ADAMTS6: variants seen among roughly 807,000 people sequenced by gnomAD.
ADAMTS6 encodes A disintegrin and metalloproteinase with thrombospondin motifs 6.
Under a neutral mutation model 144.3 loss-of-function variants are expected in ADAMTS6, and 23 were observed. The ratio of observed to expected loss-of-function variants is 0.16; its 90% CI spans 0.11 to 0.23. ADAMTS6 has a LOEUF of 0.23. ADAMTS6 is among the 10% of genes least tolerant of loss of function. ADAMTS6 has a pLI of 1.00. For synonymous variants in ADAMTS6, 444 were observed against 457.5 expected, an observed-to-expected ratio of 0.97 and a Z score of 0.38; for missense variants, 999 against 1,379.6, an observed-to-expected ratio of 0.72 and a Z score of 4.37.
At chr5:65,204,594 T>C (rs1400633606) in intron 20 of ADAMTS6, among the ~76,000 whole-genome samples, 1 of 152,212 alleles carries the variant, frequency 6.6e-6, no homozygotes, top group Non-Finnish European at 1.5e-5. Flanking sequence ...TAGGGGGATG[T>C]CATGGTTAAT....
intron 9 of ADAMTS6, among the ~76,000 whole-genome samples, chr5:65,322,645 T>C (rs1745742428): frequency 6.6e-6 from 1 of 151,710 alleles, no homozygotes; most frequent in Non-Finnish European, 1.5e-5. Context: ...GTGGCAATTG[T>C]GAATGAAAGT....
Position 65,451,609 on chromosome 5 carries a change from C to T in ADAMTS6, c.939G>A (p.Glu313=), listed in dbSNP as rs918039822. Residue 313 remains glutamate (E), a synonymous_variant, in exon 7 of 25, where the codon GAG becomes GAA. Transcript: ENST00000381055. Reference sequence around the variant, plus strand: ...GGGACTTGTCTGCATGGTGGTTTATCTCCAAGTTTGGCTGCAATACAACAT... The same window carrying T: ...GGGACTTGTCTGCATGGTGGTTTATTTCCAAGTTTGGCTGCAATACAACAT... ...IVLTEDQPNL[E]INHHADKSLD... 6.2e-7 allele frequency: 1 copy of T among 1,612,490 alleles called. No homozygotes were observed. Among genetic ancestry groups the T allele is most frequent in the East Asian group, 2.2e-5 (1 of 44,710 alleles).
At position 65,320,041 on chromosome 5, in the gene ADAMTS6, C is replaced by T. The variant is rs1745448133; in HGVS notation, c.1223+9337G>A. ...TATTTTTAGTAGAGACGGGGTTTCTCCTTGTTGGTAAGGCTGGTCTCGAAC... is the reference window on the plus strand; with the variant it reads ...TATTTTTAGTAGAGACGGGGTTTCTTCTTGTTGGTAAGGCTGGTCTCGAAC... On this transcript the variant is annotated intron_variant, in intron 9 of 24. Transcript: ENST00000381055. 2.6e-5 allele frequency among the ~76,000 whole-genome samples: 4 copies of T among 152,092 alleles called. No individual in the cohort carries two copies. The South Asian group carries it at 8.3e-4, about 32-fold the overall frequency.
chr5:65,258,967 C>A (rs1760924504), intron 14 of ADAMTS6, among the ~76,000 whole-genome samples: 2 of 152,004 alleles, frequency 1.3e-5, no homozygotes, highest in Non-Finnish European at 1.5e-5. Flanking sequence ...AGCAATGGAA[C>A]CAGATAAGAT....
At chr5:65,274,145 T>G (rs1167908408) in intron 11 of ADAMTS6, among the ~76,000 whole-genome samples, 1 of 152,128 alleles carries the variant, frequency 6.6e-6, no homozygotes, top group Non-Finnish European at 1.5e-5. Context: ...TACCTCAGCA[T>G]AGGAAAATTA....
chr5:65,284,062 C>T (rs1763183810), intron 11 of ADAMTS6, among the ~76,000 whole-genome samples: 1 of 151,906 alleles, frequency 6.6e-6, no homozygotes. Flanking sequence ...GTATAGGTGG[C>T]CAGTGATATC....
intron 7 of ADAMTS6, among the ~76,000 whole-genome samples, chr5:65,397,798 G>A (rs1007507189): frequency 1.3e-5 from 2 of 149,610 alleles, no homozygotes; most frequent in Non-Finnish European, 3.0e-5. Flanking sequence ...GATTGCTTGA[G>A]CCCAGGAAGC....
intron 1 of ADAMTS6, among the ~76,000 whole-genome samples, chr5:65,479,101 C>T (rs1403895195): frequency 6.6e-6 from 1 of 152,088 alleles, no homozygotes; most frequent in African/African-American, 2.4e-5. Context: ...TTCTTTCATC[C>T]ATCTTAACTC....
At chr5:65,360,201 G>A (rs1360076054) in intron 7 of ADAMTS6, among the ~76,000 whole-genome samples, 1 of 152,132 alleles carries the variant, frequency 6.6e-6, no homozygotes, top group Non-Finnish European at 1.5e-5. Flanking sequence ...AACGGGGAGT[G>A]AGTCACTTCA....
At chr5:65,428,783 C>A (rs1281280147) in intron 7 of ADAMTS6, among the ~76,000 whole-genome samples, 1 of 152,100 alleles carries the variant, frequency 6.6e-6, no homozygotes, top group Non-Finnish European at 1.5e-5. Flanking sequence ...ATTAAGTCAA[C>A]CCTTGTATGG....
At chr5:65,191,841 A>G (rs552989304) in intron 21 of ADAMTS6, among the ~76,000 whole-genome samples, 1 of 152,150 alleles carries the variant, frequency 6.6e-6, no homozygotes, top group African/African-American at 2.4e-5. Flanking sequence ...AGTTGTAGCA[A>G]CTGAGAATGT....
At chr5:65,343,767 C>T (rs1748071442) in intron 7 of ADAMTS6, among the ~76,000 whole-genome samples, 1 of 151,868 alleles carries the variant, frequency 6.6e-6, no homozygotes. Flanking sequence ...CCAACCTACA[C>T]AATGGGAGAA....
intron 7 of ADAMTS6, among the ~76,000 whole-genome samples, chr5:65,357,742 AT>A (rs1479954197): frequency 1.3e-5 from 2 of 151,876 alleles, no homozygotes; most frequent in Admixed American, 6.6e-5. Context: ...AGCTAAAAAA[AT>A]GGACAAATTC....
intron 22 of ADAMTS6, 55 bp from the exon 23 acceptor site, chr5:65,173,063 T>A: frequency 6.5e-7 from 1 of 1,539,386 alleles, no homozygotes; most frequent in Non-Finnish European, 8.8e-7. Flanking sequence ...AGAGGAAAAT[T>A]TGAAGAAAGT....
At chr5:65,211,533 C>A (rs889527527) in intron 20 of ADAMTS6, among the ~76,000 whole-genome samples, 15 of 150,822 alleles carry the variant, frequency 9.9e-5, no homozygotes, top group Admixed American at 4.6e-4. Context: ...ACCCGGGAGG[C>A]AGAGGTTGCA....
At position 65,438,443 on chromosome 5, in the gene ADAMTS6, G is replaced by A. The variant is rs182388303; in HGVS notation, c.1073+13032C>T. 1.1e-3 allele frequency among the ~76,000 whole-genome samples: 174 copies of A among 152,226 alleles called. 3 individuals are homozygous for A. Among genetic ancestry groups the A allele is most frequent in the Admixed American group, 4.6e-4 (7 of 15,282 alleles). On this transcript the variant is annotated intron_variant, in intron 7 of 24. Transcript: ENST00000381055. ...CTTGGGAGGCTGAGGCATGAGAATCGCTTGAACCAGGAGGCGGAGGGTGCA... is the reference window on the plus strand; with the variant it reads ...CTTGGGAGGCTGAGGCATGAGAATCACTTGAACCAGGAGGCGGAGGGTGCA...
rs902671356 is a variant in ADAMTS6 at position 65,246,377 on chromosome 5, T to C, written c.1831-4171A>G. On this transcript the variant is annotated intron_variant, in intron 14 of 24. Coordinates refer to ENST00000381055, the MANE Select transcript of ADAMTS6 (RefSeq NM_197941.4). ...CTCATTTTAGCAAGTATTAATACAA[T>C]GCTTAATAGCTGGCAGATATAATCT... 3.9e-5 allele frequency among the ~76,000 whole-genome samples: 6 copies of C among 152,158 alleles called. No homozygotes were observed. In the South Asian group the frequency reaches 8.3e-4, roughly 21 times the overall value.
chr5:65,181,634 T>A (rs1442852289), intron 22 of ADAMTS6, among the ~76,000 whole-genome samples: 1 of 152,184 alleles, frequency 6.6e-6, no homozygotes, highest in Non-Finnish European at 1.5e-5. Flanking sequence ...CATTATCCAT[T>A]TCTCTGTTAT....
chr5:65,382,352 C>T (rs957994386), intron 7 of ADAMTS6, among the ~76,000 whole-genome samples: 1 of 152,168 alleles, frequency 6.6e-6, no homozygotes, highest in African/African-American at 2.4e-5. Flanking sequence ...CTCAATATTA[C>T]TCCTATGAAA....
Sources: gnomAD v4.1 joint callset for allele counts (sites outside exome capture counted in the v4.1 genomes callset) on GRCh38, gnomAD v4.1.1 for gene constraint, MANE v1.5 for transcripts, NCBI Gene and HGNC (gene_info 2026-07-23, HGNC 2026-07-21) for gene names.